Variants in XKR4 observed in about 807,000 individuals in gnomAD.
XKR4 encodes the protein XK-related protein 4.
In XKR4, 12 loss-of-function variants were observed where a neutral mutation model predicts 53.9. That is an observed-to-expected ratio of 0.22 (90% CI 0.14 to 0.36). XKR4 has a LOEUF of 0.36. Among genes scored for constraint, XKR4 ranks in the 10% least tolerant of loss-of-function variants. The probability of loss-of-function intolerance (pLI) is 1.00; values close to 1 mark genes in which losing one functional copy is unlikely to be tolerated. For synonymous variants in XKR4, 354 were observed against 362.4 expected (o/e 0.98, Z 0.26); for missense variants, 799 against 859.5 (o/e 0.93, Z 0.88).
At chr8:55,468,210 A>G (rs1805811091) in intron 2 of XKR4, among the ~76,000 whole-genome samples, 1 of 152,146 alleles carries the variant, frequency 6.6e-6, no homozygotes, top group Non-Finnish European at 1.5e-5. Context: ...GTATCCAGCC[A>G]GAGAGATGAA....
intron 2 of XKR4, among the ~76,000 whole-genome samples, chr8:55,414,925 C>T (rs867741441): frequency 6.6e-6 from 1 of 152,188 alleles, no homozygotes; most frequent in Non-Finnish European, 1.5e-5. Flanking sequence ...ATTCATTTAA[C>T]TCACAAAGCT....
intron 1 of XKR4, among the ~76,000 whole-genome samples, chr8:55,134,379 T>A (rs1317066609): frequency 6.6e-6 from 1 of 152,196 alleles, no homozygotes; most frequent in East Asian, 1.9e-4. Context: ...TTTGTGAGGG[T>A]AAAGAAAGCA....
intron 1 of XKR4, among the ~76,000 whole-genome samples, chr8:55,235,011 A>G (rs1388787926): frequency 6.6e-6 from 1 of 152,232 alleles, no homozygotes; most frequent in Non-Finnish European, 1.5e-5. Flanking sequence ...GGCTTGAAAC[A>G]ATAACAACTT....
In XKR4 at chr8:55,460,169, A is replaced by C. The variant is rs111893945; in HGVS notation, c.1007-63112A>C. 2.9e-3 allele frequency among the ~76,000 whole-genome samples: 438 copies of C among 152,366 alleles called. 4 individuals are homozygous for C. Among genetic ancestry groups the C allele is most frequent in the Middle Eastern group, 0.027 (8 of 294 alleles). On this transcript the variant is annotated intron_variant, in intron 2 of 2. Transcript: ENST00000327381. ...AAATCTGGCAAATAAAGGAAACCGT[A>C]CGCAAAGACTACCTATTGTATTATT...
At chr8:55,139,512 C>CAAAAAAAAAAAAAAAAAAA (rs5891559) in intron 1 of XKR4, among the ~76,000 whole-genome samples, 12 of 114,448 alleles carry the variant, frequency 1.0e-4, no homozygotes, top group African/African-American at 3.2e-4. Flanking sequence ...GACTCCGTCT[C>CAAAAAAAAAAAAAAAAAAA]AAAAAAAAAA....
chr8:55,202,484 T>C (rs1270689430), intron 1 of XKR4, among the ~76,000 whole-genome samples: 17 of 152,226 alleles, frequency 1.1e-4, no homozygotes. Flanking sequence ...ACAATTAACA[T>C]TTCAGGGTTT....
At chr8:55,251,312 C>T (rs566127764) in intron 1 of XKR4, among the ~76,000 whole-genome samples, 13 of 152,308 alleles carry the variant, frequency 8.5e-5, no homozygotes, top group East Asian at 7.7e-4. Context: ...CTATGAAAAT[C>T]GCCCACATTC....
chr8:55,415,004 A>G (rs887148437), intron 2 of XKR4, among the ~76,000 whole-genome samples: 23 of 152,206 alleles, frequency 1.5e-4, no homozygotes, highest in African/African-American at 4.8e-4. Context: ...CAGGACAGAG[A>G]CCTAGGTGTG....
At chr8:55,440,311 G>A (rs750391312) in intron 2 of XKR4, among the ~76,000 whole-genome samples, 14 of 152,162 alleles carry the variant, frequency 9.2e-5, no homozygotes, top group Admixed American at 4.6e-4. Context: ...GCAAGGATGA[G>A]AGAAGATTAC....
At chr8:55,242,859 T>C (rs1818229907) in intron 1 of XKR4, among the ~76,000 whole-genome samples, 1 of 152,110 alleles carries the variant, frequency 6.6e-6, no homozygotes, top group African/African-American at 2.4e-5. Flanking sequence ...AACTATGATG[T>C]GAAGTTTTTA....
intron 1 of XKR4, among the ~76,000 whole-genome samples, chr8:55,315,841 C>T (rs376430285): frequency 3.3e-5 from 5 of 152,144 alleles, no homozygotes; most frequent in African/African-American, 1.2e-4. Flanking sequence ...TTTCCATGCT[C>T]TTCTCCAAGT....
intron 1 of XKR4, among the ~76,000 whole-genome samples, chr8:55,143,301 A>G (rs1234750503): frequency 6.6e-6 from 1 of 152,196 alleles, no homozygotes; most frequent in East Asian, 1.9e-4. Context: ...TGGGTCCTAA[A>G]GTGTGTATGT....
intron 2 of XKR4, among the ~76,000 whole-genome samples, chr8:55,492,866 A>G (rs114720410): frequency 6.6e-6 from 1 of 152,186 alleles, no homozygotes; most frequent in African/African-American, 2.4e-5. Context: ...GGCATTATCA[A>G]ACTTGCAGCC....
At chr8:55,366,881 G>A (rs1403466270) in intron 2 of XKR4, among the ~76,000 whole-genome samples, 1 of 152,070 alleles carries the variant, frequency 6.6e-6, no homozygotes, top group African/African-American at 2.4e-5. Flanking sequence ...CAAACATGCT[G>A]TAATCAAGAA....
intron 2 of XKR4, among the ~76,000 whole-genome samples, chr8:55,358,369 A>G (rs534454375): frequency 6.6e-6 from 1 of 151,956 alleles, no homozygotes; most frequent in South Asian, 2.1e-4. Context: ...AATGGTACAG[A>G]TTACCCTAAT....
chr8:55,313,711 A>T (rs527779884), intron 1 of XKR4, among the ~76,000 whole-genome samples: 2 of 152,190 alleles, frequency 1.3e-5, no homozygotes, highest in Non-Finnish European at 2.9e-5. Flanking sequence ...TGAATGTCAA[A>T]AGCAACTTCG....
chr8:55,405,521 C>A (rs1188511036), intron 2 of XKR4, among the ~76,000 whole-genome samples: 1 of 152,320 alleles, frequency 6.6e-6, no homozygotes, highest in East Asian at 1.9e-4. Context: ...TGCAGAGAAA[C>A]AGCTTAAGAG....
At chr8:55,252,790 G>T (rs999532074) in intron 1 of XKR4, among the ~76,000 whole-genome samples, 11 of 152,226 alleles carry the variant, frequency 7.2e-5, no homozygotes, top group African/African-American at 2.2e-4. Flanking sequence ...CTCAAAGTCT[G>T]TGAGGAGCTG....
chr8:55,308,680 G>T (rs1357769466), intron 1 of XKR4, among the ~76,000 whole-genome samples: 2 of 152,114 alleles, frequency 1.3e-5, no homozygotes, highest in Non-Finnish European at 2.9e-5. Context: ...ATGAAAATTT[G>T]TGTTCATATA....
Sources: gnomAD v4.1 joint callset for allele counts (sites outside exome capture counted in the v4.1 genomes callset) on GRCh38, gnomAD v4.1.1 for gene constraint, MANE v1.5 for transcripts, NCBI Gene and HGNC (gene_info 2026-07-23, HGNC 2026-07-21) for gene names.